Variants in IHO1 observed in about 807,000 individuals in gnomAD.
IHO1 encodes interactor of HORMAD1 1, also known as interactor of HORMAD1 protein 1.
IHO1 carries 13 observed loss-of-function variants against 31.0 expected under a neutral mutation model. The observed-to-expected ratio is 0.42, with a 90% CI of 0.27 to 0.67. The LOEUF (loss-of-function observed/expected upper bound fraction) is 0.67. Among genes scored for constraint, IHO1 ranks in the 30% least tolerant of loss-of-function variants. The probability of loss-of-function intolerance (pLI) is 0.24; values close to 1 mark genes in which losing one functional copy is unlikely to be tolerated. For synonymous variants in IHO1, 221 were observed against 248.4 expected (o/e 0.89, Z 1.04); for missense variants, 599 against 687.5 (o/e 0.87, Z 1.44).
intron 1 of IHO1, among the ~76,000 whole-genome samples, chr3:49,204,544 TG>T (rs757269803): frequency 6.6e-6 from 1 of 152,150 alleles, no homozygotes; most frequent in Non-Finnish European, 1.5e-5. Context: ...GATGAGGAGC[TG>T]TAATCTGAAA....
chr3:49,226,905 C>A lies in IHO1; in HGVS notation c.57-9643C>A, dbSNP rs59807541. On this transcript the variant is annotated intron_variant, in intron 2 of 7. Transcript: ENST00000452691. ...CTGGGTTGGGCCAAATTCCCCTCCC[C>A]CTACAGCTTGAAGGGGACGTAACCG... Among the ~76,000 whole-genome samples, 72 of 152,258 alleles carry A rather than the reference C, an allele frequency of 4.7e-4. No individual in the cohort carries two copies. The East Asian group carries it at 0.014, about 29-fold the overall frequency.
At chr3:49,227,250 G>A (rs1261925037) in intron 2 of IHO1, among the ~76,000 whole-genome samples, 4 of 152,046 alleles carry the variant, frequency 2.6e-5, no homozygotes, top group Admixed American at 1.3e-4. Context: ...AGAGAATATC[G>A]GGGCCAGGCC....
chr3:49,213,304 A>G (rs2046245432), intron 2 of IHO1, among the ~76,000 whole-genome samples: 1 of 152,076 alleles, frequency 6.6e-6, no homozygotes, highest in African/African-American at 2.4e-5. Context: ...TTCCTTAGCT[A>G]GACATAAAGG....
intron 1 of IHO1, among the ~76,000 whole-genome samples, chr3:49,209,634 TAA>T (rs780368754): frequency 5.0e-5 from 7 of 138,724 alleles, no homozygotes; most frequent in Non-Finnish European, 3.1e-5. Context: ...GGACTTCATC[TAA>T]AAAAAAAAAA....
intron 1 of IHO1, among the ~76,000 whole-genome samples, chr3:49,204,709 G>A (rs559119230): frequency 1.7e-4 from 26 of 152,262 alleles, no homozygotes; most frequent in African/African-American, 5.5e-4. Flanking sequence ...ACAGAGTAGA[G>A]TGAAAGCAAG....
At chr3:49,233,560 A>G (rs1193098377) in intron 2 of IHO1, among the ~76,000 whole-genome samples, 1 of 152,202 alleles carries the variant, frequency 6.6e-6, no homozygotes, top group Non-Finnish European at 1.5e-5. Context: ...TTCAATGATG[A>G]TTGTGCTTTT....
chr3:49,256,987 C>T lies in IHO1; in HGVS notation c.1490C>T (p.Ala497Val). The change falls in exon 8 of 8, where the codon GCT becomes GTT. Residue 497 changes from alanine (A) to valine (V), a missense_variant. Transcript: ENST00000452691. The surrounding 1 kb of genome is among the most constrained non-coding windows in gnomAD (Gnocchi z 4.6). ...TTCCTGGGGCAGCAGGAACCCCGTG[C>T]TCAGCCTCTGCATCTGCAGTGTCCC... ...SPFLGQQEPR[A>V]QPLHLQCPRS... The T allele has an allele frequency of 1.2e-6, 2 of 1,614,228 alleles. No homozygotes were observed. Among genetic ancestry groups the T allele is most frequent in the East Asian group, 4.5e-5 (2 of 44,892 alleles).
chr3:49,222,968 G>A (rs2046371917), intron 2 of IHO1, among the ~76,000 whole-genome samples: 1 of 152,184 alleles, frequency 6.6e-6, no homozygotes, highest in African/African-American at 2.4e-5. Context: ...ATCCATAGAT[G>A]GAGAGGTAGA....
Position 49,252,343 on chromosome 3 carries a change from C to T in IHO1, c.533-3047C>T, listed in dbSNP as rs1405398827. 3.9e-5 allele frequency: 6 copies of T among 153,338 alleles called. No homozygotes were observed. In the Admixed American group the frequency reaches 3.9e-4, roughly 10 times the overall value. 9.5% of individuals were successfully genotyped at this position (153,338 alleles called of 1,614,324 possible). ...AGCATTGCCAGTGGGGTGGCACAGC[C>T]CTGGACCCACTTTTTAAAAATTGTG... is the stretch of plus-strand genomic sequence containing the variant. On this transcript the variant is annotated intron_variant, in intron 6 of 7. Coordinates refer to ENST00000452691, the MANE Select transcript of IHO1 (RefSeq NM_001135197.2).
Position 49,257,149 on chromosome 3 carries a change from C to A in IHO1, c.1652C>A (p.Ser551Tyr). ...SQDNWLLSSS[S>Y]QGDHQMSWFS... ...GACAACTGGCTACTTTCCAGCAGTT[C>A]CCAGGGGGACCACCAGATGAGCTGG... Residue 551 changes from serine to tyrosine, a missense_variant, in exon 8 of 8, where the codon TCC (serine) becomes TAC (tyrosine). Ser to Tyr is a moderately radical substitution (Grantham distance 144). Coordinates refer to ENST00000452691, the MANE Select transcript of IHO1 (RefSeq NM_001135197.2). 6.2e-7 allele frequency: 1 copy of A among 1,614,116 alleles called. No individual in the cohort carries two copies. Among genetic ancestry groups the A allele is most frequent in the Non-Finnish European group, 8.5e-7 (1 of 1,180,012 alleles).
chr3:49,201,017 G>A (rs1490365885), intron 1 of IHO1, among the ~76,000 whole-genome samples: 2 of 150,886 alleles, frequency 1.3e-5, no homozygotes, highest in South Asian at 2.1e-4. Context: ...TTTTTGAGAC[G>A]GAGTCTCGCT....
At chr3:49,201,623 A>C (rs992570615) in intron 1 of IHO1, among the ~76,000 whole-genome samples, 8 of 151,676 alleles carry the variant, frequency 5.3e-5, no homozygotes, top group Non-Finnish European at 8.8e-5. Flanking sequence ...ACTGCATCCC[A>C]AAAAAAATTG....
rs1221057223 is a variant in IHO1, at chr3:49,257,120, C to T, written c.1623C>T (p.Ser541=). The T allele has an allele frequency of 1.9e-6, 3 of 1,614,108 alleles. No individual in the cohort carries two copies. The African/African-American group carries it at 4.0e-5, about 22-fold the overall frequency. Residue 541 remains serine, a synonymous_variant, in exon 8 of 8, where the codon TCC becomes TCT. Transcript: ENST00000452691. ...TCTTGCAGCTCAGCAGGTGCTCTTCCCAAGACAACTGGCTACTTTCCAGCA... is the reference window on the plus strand; with the variant it reads ...TCTTGCAGCTCAGCAGGTGCTCTTCTCAAGACAACTGGCTACTTTCCAGCA... The part of the protein sequence containing the change: ...GRLLQLSRCS[S]QDNWLLSSSS...
the IHO1 span, among the ~76,000 whole-genome samples, chr3:49,192,973 G>C: frequency 1.3e-5 from 2 of 152,130 alleles, no homozygotes; most frequent in Non-Finnish European, 2.9e-5. Context: ...AGCAACCCAA[G>C]TGTTGACCAA....
chr3:49,228,739 C>A (rs911383047), intron 2 of IHO1, among the ~76,000 whole-genome samples: 2 of 152,166 alleles, frequency 1.3e-5, no homozygotes, highest in Non-Finnish European at 2.9e-5. Context: ...AGCCATGGAT[C>A]TTTGTGGCGA....
chr3:49,209,472 TAA>T (rs34224471), intron 1 of IHO1, among the ~76,000 whole-genome samples: 3 of 141,568 alleles, frequency 2.1e-5, no homozygotes, highest in Admixed American at 7.1e-5. Context: ...TGTCTCTACT[TAA>T]AAAAAAAAAA....
At position 49,256,605 on chromosome 3, in the gene IHO1, C is replaced by T. The variant is rs1216431337; in HGVS notation, c.1108C>T (p.His370Tyr). The T allele has an allele frequency of 1.2e-5, 19 of 1,614,084 alleles. No homozygotes were observed. Among genetic ancestry groups the T allele is most frequent in the African/African-American group, 2.7e-5 (2 of 74,924 alleles). ...WAVTKTGAKN[H>Y]GSSVPGHKIP... ...TGTTACTAAAACAGGTGCCAAGAAC[C>T]ATGGTTCCAGCGTCCCAGGCCATAA... is the stretch of plus-strand genomic sequence containing the variant. Residue 370 changes from histidine to tyrosine, a missense_variant, in exon 8 of 8, where the codon CAT becomes TAT. Physicochemically the swap from His to Tyr is moderately conservative, Grantham distance 83. Transcript: ENST00000452691. This position sits in a 1 kb window ranked among gnomAD's most constrained non-coding sequence, Gnocchi z 4.6.
intron 2 of IHO1, among the ~76,000 whole-genome samples, chr3:49,216,819 T>C (rs1369814980): frequency 6.6e-6 from 1 of 152,058 alleles, no homozygotes; most frequent in Non-Finnish European, 1.5e-5. Flanking sequence ...CATCAAAAAG[T>C]GGGCAAAGAA....
At chr3:49,235,051 TG>T (rs1306616332) in intron 2 of IHO1, among the ~76,000 whole-genome samples, 1 of 151,928 alleles carries the variant, frequency 6.6e-6, no homozygotes. Flanking sequence ...TTCACCATGT[TG>T]GTCAGGCTGG....
Sources: allele counts gnomAD v4.1 joint callset (sites outside exome capture counted in the v4.1 genomes callset), GRCh38; gene constraint gnomAD v4.1.1; non-coding constraint Gnocchi (gnomAD v3.1); transcripts MANE v1.5; gene names NCBI Gene and HGNC (gene_info 2026-07-23, HGNC 2026-07-21).